Variants in DOCK3 observed in about 807,000 individuals in gnomAD.
DOCK3 encodes dedicator of cytokinesis protein 3.
In DOCK3, 60 loss-of-function variants were observed where a neutral mutation model predicts 265.6. That is an observed-to-expected ratio of 0.23 (90% CI 0.18 to 0.28). DOCK3 has a LOEUF of 0.28. DOCK3 is among the 10% of genes least tolerant of loss of function. DOCK3 has a pLI of 1.00. For missense variants in DOCK3, 1,981 were observed against 2,594.3 expected (o/e 0.76, Z 5.14); for synonymous variants, 881 against 938.0 (o/e 0.94, Z 1.11).
At chr3:51,277,796 C>G (rs768793581) in intron 26 of DOCK3, 42 bp downstream of exon 26, 2 of 1,580,432 alleles carry the variant, frequency 1.3e-6, no homozygotes, top group East Asian at 2.3e-5. Flanking sequence ...TCTTTTCTAA[C>G]CCGGGGCTTC....
intron 6 of DOCK3, among the ~76,000 whole-genome samples, chr3:51,070,851 A>G (rs564731539): frequency 1.3e-5 from 2 of 152,252 alleles, no homozygotes; most frequent in East Asian, 1.9e-4. Flanking sequence ...ACCCTGTTAT[A>G]GTGAACTGTA....
chr3:51,031,808 C>T (rs1014676698), intron 5 of DOCK3, among the ~76,000 whole-genome samples: 1 of 152,068 alleles, frequency 6.6e-6, no homozygotes, highest in Non-Finnish European at 1.5e-5. Context: ...GATTAATACC[C>T]CTATAAAAAT....
intron 2 of DOCK3, among the ~76,000 whole-genome samples, chr3:50,783,017 TTG>T (rs34798184): frequency 0.095 from 13,904 of 146,494 alleles, 792 homozygotes; most frequent in Non-Finnish European, 0.12. Flanking sequence ...GTGTGTATAT[TTG>T]TGTGTGTGTG....
chr3:51,350,672 G>T (rs780155997), intron 40 of DOCK3, among the ~76,000 whole-genome samples: 5 of 152,218 alleles, frequency 3.3e-5, no homozygotes, highest in Non-Finnish European at 7.3e-5. Context: ...GGGTCTAAGA[G>T]TGTGCCATAG....
At chr3:50,866,213 G>A (rs977428179) in intron 3 of DOCK3, among the ~76,000 whole-genome samples, 9 of 152,030 alleles carry the variant, frequency 5.9e-5, no homozygotes, top group Admixed American at 3.3e-4. Context: ...AGGGTCAGGC[G>A]CAGTGGCTCA....
At chr3:51,012,197 G>T (rs1035632014) in intron 5 of DOCK3, among the ~76,000 whole-genome samples, 3 of 152,154 alleles carry the variant, frequency 2.0e-5, no homozygotes, top group African/African-American at 7.2e-5. Flanking sequence ...GCTGCCTTTT[G>T]TTCAGCTATG....
intron 38 of DOCK3, among the ~76,000 whole-genome samples, chr3:51,345,881 T>G (rs535856487): frequency 1.5e-4 from 23 of 152,196 alleles, no homozygotes; most frequent in Non-Finnish European, 2.5e-4. Context: ...GCTGAAATAT[T>G]TACCGGTGAA....
At chr3:51,055,445 A>G (rs1458527787) in intron 5 of DOCK3, among the ~76,000 whole-genome samples, 1 of 152,060 alleles carries the variant, frequency 6.6e-6, no homozygotes, top group African/African-American at 2.4e-5. Context: ...CAAGTCATCT[A>G]CTTTCCAGCT....
At chr3:50,966,007 T>C (rs566071898) in intron 5 of DOCK3, among the ~76,000 whole-genome samples, 1 of 145,640 alleles carries the variant, frequency 6.9e-6, no homozygotes, top group Non-Finnish European at 1.5e-5. Context: ...CAACCACCAT[T>C]CTACTCTCTG....
At chr3:51,182,642 A>T (rs142310698) in intron 12 of DOCK3, among the ~76,000 whole-genome samples, 113 of 152,320 alleles carry the variant, frequency 7.4e-4, no homozygotes, top group African/African-American at 2.7e-3. Context: ...ATTGATTATT[A>T]TAATGTATTA....
chr3:51,330,391 G>A (rs2084436346), intron 33 of DOCK3, among the ~76,000 whole-genome samples, 168 bp downstream of exon 33: 1 of 152,150 alleles, frequency 6.6e-6, no homozygotes, highest in Non-Finnish European at 1.5e-5. Flanking sequence ...AAGAAACCAA[G>A]GTCTTTCAGG....
At chr3:51,265,733 C>T (rs1429209590) in intron 23 of DOCK3, among the ~76,000 whole-genome samples, 2 of 152,176 alleles carry the variant, frequency 1.3e-5, no homozygotes, top group Non-Finnish European at 2.9e-5. Context: ...GACAAACCCA[C>T]AGCCAATATA....
In DOCK3 at chr3:51,238,216, C is replaced by T. The variant is rs1389124109; in HGVS notation, c.2102+626C>T. Among the ~76,000 whole-genome samples, 14 of 131,800 alleles carry T rather than the reference C, an allele frequency of 1.1e-4. 1 individual carries two copies. The Admixed American group carries it at 1.3e-3, about 12-fold the overall frequency. 86.5% of individuals were successfully genotyped at this position (131,800 alleles called of 152,430 possible). ...GGAGTGCAGTGGCGCAATCTTGGCT[C>T]ACTGCAAGCTCTGCTTCCCGGGTTC... On this transcript the variant is annotated intron_variant, in intron 21 of 52. Transcript: ENST00000266037.
intron 32 of DOCK3, among the ~76,000 whole-genome samples, chr3:51,318,514 A>G (rs1228263884): frequency 6.6e-6 from 1 of 152,168 alleles, no homozygotes; most frequent in East Asian, 1.9e-4. Flanking sequence ...CACATATATT[A>G]TTAGATTTAT....
intron 5 of DOCK3, among the ~76,000 whole-genome samples, chr3:50,981,924 A>G (rs1352418915): frequency 6.6e-6 from 1 of 152,116 alleles, no homozygotes; most frequent in Non-Finnish European, 1.5e-5. Flanking sequence ...ATCTTGGCTC[A>G]CTGCAACCTC....
At chr3:51,363,894 C>T (rs1250037019) in intron 49 of DOCK3, among the ~76,000 whole-genome samples, 2 of 152,228 alleles carry the variant, frequency 1.3e-5, no homozygotes, top group Admixed American at 1.3e-4. Context: ...CATTGATGGA[C>T]ACTTGGGTTG....
chr3:50,962,847 G>C (rs1163446972), intron 5 of DOCK3, among the ~76,000 whole-genome samples: 1 of 152,120 alleles, frequency 6.6e-6, no homozygotes, highest in Non-Finnish European at 1.5e-5. Flanking sequence ...CAATGCTTTA[G>C]AAATTAACCT....
chr3:51,320,034 G>C (rs2083599056), intron 32 of DOCK3, among the ~76,000 whole-genome samples: 1 of 152,132 alleles, frequency 6.6e-6, no homozygotes, highest in African/African-American at 2.4e-5. Context: ...GGGCTGGCAA[G>C]ATGGCCAAAT....
At chr3:50,804,238 G>A (rs986804595) in intron 2 of DOCK3, among the ~76,000 whole-genome samples, 10 of 151,054 alleles carry the variant, frequency 6.6e-5, no homozygotes, top group Non-Finnish European at 1.2e-4. Flanking sequence ...GGGAAGAGGC[G>A]CTCCTCACTT....
Sources: gnomAD v4.1 joint callset for allele counts (sites outside exome capture counted in the v4.1 genomes callset) on GRCh38, gnomAD v4.1.1 for gene constraint, MANE v1.5 for transcripts, NCBI Gene and HGNC (gene_info 2026-07-23, HGNC 2026-07-21) for gene names.